Variants in BABAM1 observed in about 807,000 individuals in gnomAD.
The protein encoded by BABAM1 is BRISC and BRCA1 A complex member 1.
In BABAM1, 14 loss-of-function variants were observed where a neutral mutation model predicts 34.4. The observed-to-expected ratio is 0.41, with a 90% CI of 0.27 to 0.64. BABAM1 has a LOEUF of 0.64. BABAM1 is among the 30% of genes least tolerant of loss of function. The pLI, the probability that BABAM1 is intolerant of heterozygous loss-of-function variation, is 0.34. For synonymous variants in BABAM1, 169 were observed against 165.8 expected, an observed-to-expected ratio of 1.02 and a Z score of -0.15; for missense variants, 393 against 434.0, an observed-to-expected ratio of 0.91 and a Z score of 0.84.
chr19:17,268,427 C>CTT (rs10715818), intron 1 of BABAM1: 82 of 129,180 alleles, frequency 6.3e-4, no homozygotes, highest in Admixed American at 6.7e-4. Context: ...AGTAACCAAT[C>CTT]TTTTTTTTTT....
intron 5 of BABAM1, 167 bp from the exon 6 acceptor site, chr19:17,275,634 G>C (rs2145622288): frequency 1.3e-6 from 1 of 756,888 alleles, no homozygotes; most frequent in Middle Eastern, 3.8e-4. Context: ...CCTATTTTGT[G>C]ATCCATGCTG....
chr19:17,269,104 G>A lies in BABAM1; in HGVS notation c.285+13G>A. On this transcript the variant is annotated intron_variant, in intron 2 of 8. Transcript: ENST00000598188. Reference sequence around the variant, plus strand: ...TCCAGAGAAAGTGGTAAGTAGAGGGGGTGGCCTGGGGCTCTGAGATGCTAG... The same window carrying A: ...TCCAGAGAAAGTGGTAAGTAGAGGGAGTGGCCTGGGGCTCTGAGATGCTAG... 3 of 1,582,692 alleles carry A rather than the reference G, an allele frequency of 1.9e-6. No individual in the cohort carries two copies. The highest frequency in any genetic ancestry group is 1.1e-5 in the South Asian group (1 of 87,294).
At chr19:17,271,857 G>T (rs961624336) in intron 3 of BABAM1, among the ~76,000 whole-genome samples, 6 of 152,162 alleles carry the variant, frequency 3.9e-5, no homozygotes, top group Admixed American at 3.9e-4. Context: ...AGGATCACTT[G>T]AGGCTAGGGG....
In BABAM1 at chr19:17,274,000, G is replaced by C. The variant is rs372423253; in HGVS notation, c.441G>C (p.Val147=). 7.4e-6 allele frequency: 12 copies of C among 1,613,858 alleles called. No homozygotes were observed. The African/African-American group carries it at 1.2e-4, about 16-fold the overall frequency. ...KIDKSHEFAL[V]VVNDDTAWLS... ...ACAAAAGCCACGAGTTTGCACTGGT[G>C]GTGGTGAACGATGACACGGCCTGGG... The change falls in exon 4 of 9, where the codon GTG becomes GTC. Residue 147 remains valine, a synonymous_variant. Transcript: ENST00000598188.
intron 2 of BABAM1, among the ~76,000 whole-genome samples, chr19:17,269,561 G>C (rs1415290973): frequency 6.6e-6 from 1 of 151,864 alleles, no homozygotes; most frequent in East Asian, 1.9e-4. Flanking sequence ...ACATTGGCCA[G>C]GCTGGTCTCG....
chr19:17,271,758 G>T, intron 3 of BABAM1, 103 bp downstream of exon 3: 1 of 1,334,114 alleles, frequency 7.5e-7, no homozygotes. Context: ...GCTTGGTCTG[G>T]CTTCAGGCTT....
In BABAM1 at chr19:17,278,749, T is replaced by C. The variant is rs2073941209; in HGVS notation, c.787-96T>C. The C allele has an allele frequency of 2.5e-6, 3 of 1,220,888 alleles. No homozygotes were observed. In the South Asian group the frequency reaches 4.1e-5, roughly 17 times the overall value. The allele number at this position is 1,220,888 out of a possible 1,614,324, so 75.6% of individuals were successfully genotyped here. On this transcript the variant is annotated intron_variant, in intron 8 of 8. Transcript: ENST00000598188. ...TTCACCCTTTAGAACCCACCCCAGA[T>C]GTCCCCTCTTCTGAGAAGCCCTCCA...
rs572743594 is a variant in BABAM1 at position 17,274,624 on chromosome 19, A to G, written c.544+439A>G. ...TTTGTATTCAGGAGGTCCAAAATTCATGCACAAGGGGATCACCTCACACAG... is the reference window on the plus strand; with the variant it reads ...TTTGTATTCAGGAGGTCCAAAATTCGTGCACAAGGGGATCACCTCACACAG... On this transcript the variant is annotated intron_variant, in intron 5 of 8. Transcript: ENST00000598188. The G allele has an allele frequency of 4.3e-4, 79 of 185,508 alleles. 1 individual carries two copies. Among genetic ancestry groups the G allele is most frequent in the Non-Finnish European group, 1.4e-4 (12 of 86,986 alleles). The allele number at this position is 185,508 out of a possible 1,614,324, so 11.5% of individuals were successfully genotyped here. A position where few individuals can be genotyped will look rare whatever the true frequency, so the allele number is the denominator to read the frequency against.
In BABAM1 at chr19:17,273,906, C is replaced by G. The variant is rs765508932; in HGVS notation, c.347C>G (p.Ser116Cys). 21 of 1,608,706 alleles carry G rather than the reference C, an allele frequency of 1.3e-5. No individual in the cohort carries two copies. The highest frequency in any genetic ancestry group is 1.6e-5 in the Non-Finnish European group (19 of 1,177,734). ...CCCTGTACTCTCTGCCTCCCCAGCTCCAAAACCAACGCCCTCAATGTCTCC... is the reference window on the plus strand; with the variant it reads ...CCCTGTACTCTCTGCCTCCCCAGCTGCAAAACCAACGCCCTCAATGTCTCC... ...SLPKLESFNG[S>C]KTNALNVSQK... The change falls in exon 4 of 9, where the codon TCC becomes TGC. Residue 116 changes from serine (S) to cysteine (C), a missense_variant and splice_region_variant. Physicochemically the swap from Ser to Cys is moderately radical, Grantham distance 112. Transcript: ENST00000598188.
intron 1 of BABAM1, chr19:17,268,546 C>A (rs2004799): frequency 0.11 from 34,885 of 318,524 alleles, 3,472 homozygotes; most frequent in East Asian, 0.47. Flanking sequence ...TCTCCTGCCT[C>A]AGCCTCCCGA....
chr19:17,275,950 C>A, intron 6 of BABAM1, 125 bp downstream of exon 6: 1 of 1,056,016 alleles, frequency 9.5e-7, no homozygotes. Flanking sequence ...TACCTCGCCC[C>A]GAGCAATTCC....
intron 2 of BABAM1, among the ~76,000 whole-genome samples, chr19:17,270,488 A>G (rs967727937): frequency 6.7e-6 from 1 of 149,748 alleles, no homozygotes; most frequent in Non-Finnish European, 1.5e-5. Context: ...CTTTAATTAC[A>G]TCTGCAGAGA....
chr19:17,270,813 A>G (rs2073831867), intron 2 of BABAM1, among the ~76,000 whole-genome samples: 1 of 151,246 alleles, frequency 6.6e-6, no homozygotes, highest in South Asian at 2.1e-4. Flanking sequence ...TCAGCCTCCC[A>G]AGTAGCTGGG....
chr19:17,276,582 TC>T lies in BABAM1; in HGVS notation c.659del (p.Pro220HisfsTer9). ...TCCGCACCATCCTTGTCTACAGCCGTCCACCTTGCCAGCCCCAGTTCTCCTT... is the reference window on the plus strand; with the variant it reads ...TCCGCACCATCCTTGTCTACAGCCGTCACCTTGCCAGCCCCAGTTCTCCTT... ...VVRTILVYSR[P>X]PCQPQFSLTE... On this transcript the variant is annotated frameshift_variant, in exon 7 of 9. Coordinates refer to ENST00000598188, the MANE Select transcript of BABAM1 (RefSeq NM_014173.4). LOFTEE classifies it high-confidence loss of function. 6 of 1,606,672 alleles carry T rather than the reference TC, an allele frequency of 3.7e-6. No individual in the cohort carries two copies. The highest frequency in any genetic ancestry group is 5.1e-6 in the Non-Finnish European group (6 of 1,176,784).
rs141094549 is a variant in BABAM1 at position 17,273,952 on chromosome 19, C to T, written c.393C>T (p.Phe131=). ...TCTCCCAGAAGATGATTGAGATGTT[C>T]GTGCGGACAAAACACAAGATCGACA... ...LNVSQKMIEM[F]VRTKHKIDKS... The change falls in exon 4 of 9, where the codon TTC becomes TTT. Residue 131 remains phenylalanine, a synonymous_variant. Transcript: ENST00000598188. The T allele has an allele frequency of 5.1e-3, 8,298 of 1,613,828 alleles. 65 individuals carry two copies. The highest frequency in any genetic ancestry group is 4.7e-3 in the Non-Finnish European group (5,580 of 1,179,844).
intron 2 of BABAM1, among the ~76,000 whole-genome samples, chr19:17,270,524 CTTTTT>C (rs955870596): frequency 7.9e-6 from 1 of 125,888 alleles, no homozygotes; most frequent in African/African-American, 3.0e-5. Flanking sequence ...AGGTCACATT[CTTTTT>C]TTTTTTTTTT....
intron 3 of BABAM1, among the ~76,000 whole-genome samples, chr19:17,271,891 G>A (rs1166069183): frequency 6.6e-6 from 1 of 152,000 alleles, no homozygotes; most frequent in East Asian, 1.9e-4. Flanking sequence ...TGGGCAACAT[G>A]GACCCCATCT....
chr19:17,271,929 GTGTA>G (rs1273112569), intron 3 of BABAM1, among the ~76,000 whole-genome samples: 1 of 152,070 alleles, frequency 6.6e-6, no homozygotes, highest in African/African-American at 2.4e-5. Flanking sequence ...ATATATGTAT[GTGTA>G]TGTATGTATG....
Position 17,268,819 on chromosome 19 carries a change from G to A in BABAM1, c.13G>A (p.Glu5Lys). The change falls in exon 2 of 9, where the codon GAG (glutamate) becomes AAG (lysine). Residue 5 changes from glutamate (E) to lysine (K), a missense_variant. Physicochemically the swap from Glu to Lys is moderately conservative, Grantham distance 56 (BLOSUM62 1). Coordinates refer to ENST00000598188, the MANE Select transcript of BABAM1 (RefSeq NM_014173.4). MEVA[E>K]PSSPTEEEEE... ...CCACACAGGAGCCATGGAAGTGGCA[G>A]AGCCCAGCAGCCCCACTGAAGAGGA... 6.2e-7 allele frequency: 1 copy of A among 1,604,836 alleles called. No individual in the cohort carries two copies. The highest frequency in any genetic ancestry group is 8.5e-7 in the Non-Finnish European group (1 of 1,174,426).
Sources: allele counts gnomAD v4.1 joint callset (sites outside exome capture counted in the v4.1 genomes callset), GRCh38; gene constraint gnomAD v4.1.1; transcripts MANE v1.5; gene names NCBI Gene and HGNC (gene_info 2026-07-23, HGNC 2026-07-21).